TRPV4: variants seen among roughly 807,000 people sequenced by gnomAD.
The protein encoded by TRPV4 is transient receptor potential cation channel subfamily V member 4.
TRPV4 carries 58 observed loss-of-function variants against 84.1 expected under a neutral mutation model. The observed-to-expected ratio is 0.69, with a 90% confidence interval of 0.56 to 0.86. TRPV4 has a LOEUF of 0.86. Among genes scored for constraint, TRPV4 ranks in the 40% least tolerant of loss-of-function variants. The pLI is 0.00. For synonymous variants in TRPV4, 489 were observed against 500.9 expected (o/e 0.98, Z 0.32); for missense variants, 879 against 1,181.1 (o/e 0.74, Z 3.75).
chr12:109,826,918 G>A (rs568671745), intron 1 of TRPV4, among the ~76,000 whole-genome samples: 5 of 152,316 alleles, frequency 3.3e-5, no homozygotes, highest in Admixed American at 6.5e-5. Context: ...GATGTCACTC[G>A]GACAAAAGCT....
chr12:109,784,030 G>GTTT (rs1211909776), intron 15 of TRPV4, among the ~76,000 whole-genome samples: 1 of 152,262 alleles, frequency 6.6e-6, no homozygotes, highest in Admixed American at 6.5e-5. Flanking sequence ...TGCGTCTCGC[G>GTTT]TGCTCATGGC....
rs1343944784 is a variant in TRPV4 at position 109,802,120 on chromosome 12, A to C, written c.712+871T>G. On this transcript the variant is annotated intron_variant, in intron 4 of 15. Coordinates refer to ENST00000261740, the MANE Select transcript of TRPV4 (RefSeq NM_021625.5). ...ATCACTAGACTCGCTGCATCTCAGA[A>C]TCTTGGAATCTTTTTTTTTTTTTTT... is the stretch of plus-strand genomic sequence containing the variant. Among the ~76,000 whole-genome samples, 4 of 144,584 alleles carry C rather than the reference A, an allele frequency of 2.8e-5. No individual in the cohort carries two copies. The Admixed American group carries it at 2.9e-4, about 10-fold the overall frequency. The allele number at this position is 144,584 out of a possible 152,430, so 94.9% of individuals were successfully genotyped here. A position where few individuals can be genotyped will look rare whatever the true frequency, so the allele number is the denominator to read the frequency against.
At chr12:109,812,364 G>T (rs926528942) in intron 2 of TRPV4, among the ~76,000 whole-genome samples, 4 of 152,222 alleles carry the variant, frequency 2.6e-5, no homozygotes, top group South Asian at 2.1e-4. Context: ...GTCATTATGG[G>T]AAAGAAGGTT....
At chr12:109,832,500 C>G (rs568385473) in intron 1 of TRPV4, 1 of 152,390 alleles carries the variant, frequency 6.6e-6, no homozygotes, top group Admixed American at 6.5e-5. Context: ...CCACCTCTGC[C>G]CTGCCACTTC....
chr12:109,830,322 C>T (rs1892377420), intron 1 of TRPV4, among the ~76,000 whole-genome samples: 2 of 152,212 alleles, frequency 1.3e-5, no homozygotes, highest in South Asian at 4.1e-4. Flanking sequence ...TCATTCTGCC[C>T]TCTGAAAAAT....
Position 109,805,269 on chromosome 12 carries a change from T to C in TRPV4, c.560-2126A>G, listed in dbSNP as rs190093334. Among the ~76,000 whole-genome samples the C allele has an allele frequency of 2.4e-4, 37 of 152,312 alleles. No individual in the cohort carries two copies. The East Asian group carries it at 6.0e-3, about 25-fold the overall frequency. ...ATTTGCTGAGTTAACACACATTGAA[T>C]GAAGGCGAGAGCTGGGCACCCCAGG... On this transcript the variant is annotated intron_variant, in intron 3 of 15. Transcript: ENST00000261740.
chr12:109,785,921 G>A (rs918737999), intron 14 of TRPV4, among the ~76,000 whole-genome samples: 1 of 152,106 alleles, frequency 6.6e-6, no homozygotes, highest in East Asian at 1.9e-4. Flanking sequence ...GCTGAGGTGG[G>A]AGGATCGCTT....
At chr12:109,801,533 TG>T in intron 4 of TRPV4, among the ~76,000 whole-genome samples, 1 of 152,304 alleles carries the variant, frequency 6.6e-6, no homozygotes, top group Non-Finnish European at 1.5e-5. Flanking sequence ...GTAAGTTTCC[TG>T]ATGCCTCCCC....
chr12:109,827,701 C>T (rs1345580095), intron 1 of TRPV4, among the ~76,000 whole-genome samples: 1 of 152,000 alleles, frequency 6.6e-6, no homozygotes, highest in Admixed American at 6.6e-5. Flanking sequence ...CACATACACA[C>T]ATACACATGT....
intron 2 of TRPV4, among the ~76,000 whole-genome samples, chr12:109,808,951 TCATC>T (rs1247558954): frequency 9.1e-5 from 11 of 121,110 alleles, no homozygotes; most frequent in South Asian, 5.7e-4. Flanking sequence ...CATCCATCAT[TCATC>T]CATCCATCCA....
At chr12:109,826,539 G>A (rs995495747) in intron 1 of TRPV4, among the ~76,000 whole-genome samples, 1 of 152,212 alleles carries the variant, frequency 6.6e-6, no homozygotes, top group South Asian at 2.1e-4. Flanking sequence ...CAGAAAGAAT[G>A]AGATTTAACT....
chr12:109,831,872 C>T (rs1250365137), intron 1 of TRPV4, among the ~76,000 whole-genome samples: 3 of 152,256 alleles, frequency 2.0e-5, no homozygotes, highest in Non-Finnish European at 2.9e-5. Flanking sequence ...GGACCCCTTC[C>T]GCGTGCAATT....
Position 109,784,456 on chromosome 12 carries a change from A to C in TRPV4, c.2337-19T>G, listed in dbSNP as rs569747281. Reference sequence around the variant, plus strand: ...ATCCACCCTGGCAGGGCCCAAGCAGAGGGTCATGGGGAACCCCTCAGAGAC... The same window carrying C: ...ATCCACCCTGGCAGGGCCCAAGCAGCGGGTCATGGGGAACCCCTCAGAGAC... On this transcript the variant is annotated intron_variant, in intron 14 of 15. Transcript: ENST00000261740. The C allele has an allele frequency of 1.2e-6, 2 of 1,614,058 alleles. No homozygotes were observed. The highest frequency in any genetic ancestry group is 3.3e-5 in the Admixed American group (2 of 60,016).
Position 109,786,742 on chromosome 12 carries a change from C to T in TRPV4, c.2304G>A (p.Ser768=), listed in dbSNP as rs138986228. 1.5e-5 allele frequency: 24 copies of T among 1,613,926 alleles called. No individual in the cohort carries two copies. Among genetic ancestry groups the T allele is most frequent in the Middle Eastern group, 1.6e-4 (1 of 6,062 alleles). ...SGEMVTVGKS[S]DGTPDRRWCF... ...ACCACCTGCGGTCAGGAGTGCCGTC[C>T]GAGCTCTTGCCCACGGTGACCATCT... Residue 768 remains serine (S), a synonymous_variant, in exon 14 of 16, where the codon TCG becomes TCA. Coordinates refer to ENST00000261740, the MANE Select transcript of TRPV4 (RefSeq NM_021625.5). This position sits in a 1 kb window ranked among gnomAD's most constrained non-coding sequence, Gnocchi z 4.5.
intron 2 of TRPV4, among the ~76,000 whole-genome samples, chr12:109,808,961 A>T (rs571431288): frequency 1.3e-5 from 2 of 149,678 alleles, no homozygotes; most frequent in Admixed American, 1.3e-4. Context: ...TCATCCATCC[A>T]TCCATCCATC....
chr12:109,789,700 G>A (rs772055643), intron 12 of TRPV4, among the ~76,000 whole-genome samples: 4 of 152,212 alleles, frequency 2.6e-5, no homozygotes, highest in Non-Finnish European at 4.4e-5. Flanking sequence ...GGCACAGAAT[G>A]TCATACTGCC....
intron 6 of TRPV4, among the ~76,000 whole-genome samples, chr12:109,797,942 T>C (rs986003938): frequency 1.3e-5 from 2 of 152,014 alleles, no homozygotes; most frequent in African/African-American, 4.8e-5. Context: ...AAAAGGGAAA[T>C]GAGATGTCTG....
intron 4 of TRPV4, among the ~76,000 whole-genome samples, chr12:109,802,156 G>A (rs1180351534): frequency 7.4e-4 from 110 of 148,844 alleles, no homozygotes; most frequent in African/African-American, 2.6e-3. Context: ...TTGAGACAGG[G>A]TCTCACTCTG....
chr12:109,784,674 T>A (rs917804627), intron 14 of TRPV4, among the ~76,000 whole-genome samples: 4 of 149,792 alleles, frequency 2.7e-5, no homozygotes, highest in Admixed American at 2.0e-4. Context: ...TACTAAAAAT[T>A]AAAAAAAATT....
Sources: allele counts gnomAD v4.1 joint callset (sites outside exome capture counted in the v4.1 genomes callset), GRCh38; gene constraint gnomAD v4.1.1; non-coding constraint Gnocchi (gnomAD v3.1); transcripts MANE v1.5; gene names NCBI Gene and HGNC (gene_info 2026-07-23, HGNC 2026-07-21).